Variants in CDH4 observed in about 807,000 individuals in gnomAD.
The protein encoded by CDH4 is cadherin-4.
CDH4 carries 33 observed loss-of-function variants against 86.0 expected under a neutral mutation model. That is an observed-to-expected ratio of 0.38 (90% CI 0.29 to 0.51). The LOEUF is 0.51. CDH4 is among the 20% of genes least tolerant of loss of function. CDH4 has a pLI of 0.86. For synonymous variants in CDH4, 555 were observed against 549.4 expected, an observed-to-expected ratio of 1.01 and a Z score of -0.14; for missense variants, 1,114 against 1,307.4, an observed-to-expected ratio of 0.85 and a Z score of 2.28.
intron 2 of CDH4, among the ~76,000 whole-genome samples, chr20:61,692,155 A>G (rs1568759001): frequency 1.3e-5 from 2 of 148,234 alleles, no homozygotes; most frequent in African/African-American, 2.5e-5. Context: ...GTGTGTATGT[A>G]TGTGTGTCTG....
chr20:61,663,929 A>G lies in CDH4; in HGVS notation c.170-79634A>G, dbSNP rs370571666. ...TGTGCCCGCGGCAGTTTAGAGTGACACTGTCCTCTGTCCAGCACCGGTCCA... is the reference window on the plus strand; with the variant it reads ...TGTGCCCGCGGCAGTTTAGAGTGACGCTGTCCTCTGTCCAGCACCGGTCCA... On this transcript the variant is annotated intron_variant, in intron 2 of 15. Transcript: ENST00000614565. This position sits in a 1 kb window ranked among gnomAD's most constrained non-coding sequence, Gnocchi z 5.0. 1.3e-5 allele frequency among the ~76,000 whole-genome samples: 2 copies of G among 152,200 alleles called. No homozygotes were observed. The highest frequency in any genetic ancestry group is 4.8e-5 in the African/African-American group (2 of 41,546).
At chr20:61,890,735 G>GT (rs981748381) in intron 7 of CDH4, among the ~76,000 whole-genome samples, 29 of 152,104 alleles carry the variant, frequency 1.9e-4, no homozygotes, top group African/African-American at 3.9e-4. Flanking sequence ...GCTATTTCTG[G>GT]TTTTTTTTGT....
At chr20:61,618,893 G>A (rs888558970) in intron 2 of CDH4, among the ~76,000 whole-genome samples, 2 of 152,170 alleles carry the variant, frequency 1.3e-5, no homozygotes, top group Non-Finnish European at 2.9e-5. Context: ...TCTGAAATTG[G>A]AGCCAAGAAG....
At chr20:61,564,241 G>A (rs940260212) in intron 2 of CDH4, among the ~76,000 whole-genome samples, 26 of 152,166 alleles carry the variant, frequency 1.7e-4, no homozygotes, top group Admixed American at 1.6e-3. Flanking sequence ...CCTGGTGGAC[G>A]TGAATTTGGG....
At chr20:61,579,371 CCT>C (rs1363474011) in intron 2 of CDH4, among the ~76,000 whole-genome samples, 2 of 150,446 alleles carry the variant, frequency 1.3e-5, no homozygotes, top group African/African-American at 2.4e-5. Context: ...ACTGCAACCT[CCT>C]CCTCCCGGGT....
rs1032815145 is a variant in CDH4 at position 61,623,259 on chromosome 20, G to C, written c.170-120304G>C. The stretch of plus-strand genomic sequence containing the variant: ...CCCCACTCACCACACTGCGGCGCCT[G>C]CTTTTTCCTTGAGCATCTGGGACGT... On this transcript the variant is annotated intron_variant, in intron 2 of 15. Transcript: ENST00000614565. The surrounding 1 kb of genome is among the most constrained non-coding windows in gnomAD (Gnocchi z 4.4). 6.6e-6 allele frequency among the ~76,000 whole-genome samples: 1 copy of C among 152,114 alleles called. No homozygotes were observed. The highest frequency in any genetic ancestry group is 2.4e-5 in the African/African-American group (1 of 41,436).
rs138652049 is a variant in CDH4 at position 61,559,816 on chromosome 20, G to A, written c.170-183747G>A. On this transcript the variant is annotated intron_variant, in intron 2 of 15. Coordinates refer to ENST00000614565, the MANE Select transcript of CDH4 (RefSeq NM_001794.5). ...TTATAGGTGTGAGCCACTGCACCCA[G>A]CCGGATTCTCCTTTCTCCCTGCATG... 3.8e-3 allele frequency among the ~76,000 whole-genome samples: 573 copies of A among 152,228 alleles called. 5 individuals carry two copies. The highest frequency in any genetic ancestry group is 0.013 in the African/African-American group (544 of 41,540).
chr20:61,752,371 A>G (rs1327239663), intron 3 of CDH4, among the ~76,000 whole-genome samples: 9 of 151,862 alleles, frequency 5.9e-5, no homozygotes, highest in Admixed American at 1.3e-4. Context: ...TCATCAAAAC[A>G]TATATCTTAA....
At chr20:61,314,913 C>T (rs1238409264) in intron 2 of CDH4, among the ~76,000 whole-genome samples, 1 of 152,214 alleles carries the variant, frequency 6.6e-6, no homozygotes, top group Admixed American at 6.5e-5. Context: ...AACCTGTTGG[C>T]CATTTGTATA....
chr20:61,666,246 C>A (rs2087322840), intron 2 of CDH4, among the ~76,000 whole-genome samples: 1 of 152,230 alleles, frequency 6.6e-6, no homozygotes. Context: ...CATGCCTCCC[C>A]ACAAGAGATG....
In CDH4 at chr20:61,472,325, T is replaced by C. The variant is rs557360123; in HGVS notation, c.169+217388T>C. ...TTGTCTGATATAAGTGTAGCTACTC[T>C]TGCTCTTTTGGTTTCCATTGACATG... On this transcript the variant is annotated intron_variant, in intron 2 of 15. Transcript: ENST00000614565. Among the ~76,000 whole-genome samples the C allele has an allele frequency of 2.7e-4, 41 of 152,198 alleles. 1 individual carries two copies. Among genetic ancestry groups the C allele is most frequent in the Non-Finnish European group, 2.4e-4 (16 of 68,016 alleles).
intron 2 of CDH4, among the ~76,000 whole-genome samples, chr20:61,671,341 T>A (rs560205586): frequency 6.6e-6 from 1 of 152,024 alleles, no homozygotes; most frequent in African/African-American, 2.4e-5. Context: ...AAATTAATTT[T>A]AAAAATTAGC....
chr20:61,256,127 C>T (rs1159376505), intron 2 of CDH4, among the ~76,000 whole-genome samples: 1 of 152,122 alleles, frequency 6.6e-6, no homozygotes, highest in Non-Finnish European at 1.5e-5. Flanking sequence ...GGAGTTAGAA[C>T]GGGTAGGCCA....
In CDH4 at chr20:61,578,711, G is replaced by A. The variant is rs574414913; in HGVS notation, c.170-164852G>A. 3.3e-5 allele frequency among the ~76,000 whole-genome samples: 5 copies of A among 152,260 alleles called. No homozygotes were observed. In the East Asian group the frequency reaches 9.7e-4, roughly 29 times the overall value. ...GCTGTGCATGGAAAGTCTGGGCTGTGAGTGACACCAAACAAAACCCCCAAT... is the reference window on the plus strand; with the variant it reads ...GCTGTGCATGGAAAGTCTGGGCTGTAAGTGACACCAAACAAAACCCCCAAT... On this transcript the variant is annotated intron_variant, in intron 2 of 15. Transcript: ENST00000614565.
chr20:61,679,132 G>C (rs566102297), intron 2 of CDH4, among the ~76,000 whole-genome samples: 1 of 152,194 alleles, frequency 6.6e-6, no homozygotes, highest in African/African-American at 2.4e-5. Flanking sequence ...AATGCTACCA[G>C]GTTGGGTGGG....
rs373869307 is a variant in CDH4, at chr20:61,805,977, C to A, written c.576+32795C>A. Among the ~76,000 whole-genome samples, 21 of 152,310 alleles carry A rather than the reference C, an allele frequency of 1.4e-4. No individual in the cohort carries two copies. The South Asian group carries it at 3.5e-3, about 26-fold the overall frequency. On this transcript the variant is annotated intron_variant, in intron 4 of 15. Coordinates refer to ENST00000614565, the MANE Select transcript of CDH4 (RefSeq NM_001794.5). ...GGTGCTGTGGAAAGCTACGCAGGCC[C>A]GCTGGGAGGTGGGTGCTTGGGGCAA...
intron 2 of CDH4, among the ~76,000 whole-genome samples, chr20:61,614,116 A>C (rs1299951584): frequency 1.3e-5 from 2 of 152,090 alleles, no homozygotes; most frequent in Non-Finnish European, 2.9e-5. Flanking sequence ...CCTGGGATTT[A>C]GCAAGTGTTA....
intron 2 of CDH4, among the ~76,000 whole-genome samples, chr20:61,737,609 G>A (rs531128833): frequency 4.6e-5 from 7 of 152,316 alleles, no homozygotes. Context: ...GTAAGTGTTT[G>A]TGGGATGGAC....
chr20:61,311,494 C>T (rs970627474), intron 2 of CDH4, among the ~76,000 whole-genome samples: 6 of 152,130 alleles, frequency 3.9e-5, no homozygotes, highest in African/African-American at 1.4e-4. Flanking sequence ...TACAAAACAG[C>T]AAAATTACAG....
Sources: gnomAD v4.1 joint callset for allele counts (sites outside exome capture counted in the v4.1 genomes callset) on GRCh38, gnomAD v4.1.1 for gene constraint, Gnocchi (gnomAD v3.1) non-coding constraint, MANE v1.5 for transcripts, NCBI Gene and HGNC (gene_info 2026-07-23, HGNC 2026-07-21) for gene names.